The following BANF2 variants were observed in gnomAD, a reference collection of about 807,000 sequenced individuals.
BANF2 encodes the protein barrier-to-autointegration factor-like protein.
Under a neutral mutation model 8.0 loss-of-function variants are expected in BANF2, and 4 were observed. The observed-to-expected ratio is 0.50, with a 90% confidence interval of 0.25 to 1.14. BANF2 has a LOEUF of 1.14. Among genes scored for constraint, BANF2 ranks in the 50% most tolerant of loss-of-function variants. The pLI, the probability that BANF2 is intolerant of heterozygous loss-of-function variation, is 0.16. For missense variants in BANF2, 96 were observed against 107.5 expected, an observed-to-expected ratio of 0.89 and a Z score of 0.47; for synonymous variants, 50 against 40.6, an observed-to-expected ratio of 1.23 and a Z score of -0.88.
upstream of BANF2, among the ~76,000 whole-genome samples, chr20:17,698,227 TA>T (rs35882253): frequency 0.33 from 48,045 of 147,410 alleles, 9,464 homozygotes; most frequent in Admixed American, 0.48. Flanking sequence ...AAAATAATAA[TA>T]AAAAAAAAAG....
chr20:17,716,079 G>A (rs1011468816), intron 1 of BANF2, among the ~76,000 whole-genome samples: 1 of 152,212 alleles, frequency 6.6e-6, no homozygotes, highest in Non-Finnish European at 1.5e-5. Context: ...AAGAAGGTGA[G>A]GGGTGGTCAC....
At chr20:17,724,526 A>G (rs959630502) in intron 2 of BANF2, among the ~76,000 whole-genome samples, 2 of 152,220 alleles carry the variant, frequency 1.3e-5, no homozygotes, top group Non-Finnish European at 2.9e-5. Flanking sequence ...TCCCACCTGC[A>G]GGCTTTGGAT....
chr20:17,699,000 T>C (rs534948869), upstream of BANF2, among the ~76,000 whole-genome samples: 60 of 152,110 alleles, frequency 3.9e-4, 1 homozygote, highest in African/African-American at 1.4e-3. Flanking sequence ...CTCAACGTCA[T>C]GTGGGAACGT....
At chr20:17,702,124 C>A (rs1218518076) in intron 1 of BANF2, among the ~76,000 whole-genome samples, 2 of 152,218 alleles carry the variant, frequency 1.3e-5, no homozygotes, top group African/African-American at 2.4e-5. Context: ...CGAAGCAGGT[C>A]TTTCTAACCC....
intron 2 of BANF2, among the ~76,000 whole-genome samples, chr20:17,723,721 G>A (rs1174116254): frequency 2.0e-5 from 3 of 152,198 alleles, no homozygotes; most frequent in South Asian, 2.1e-4. Context: ...GCGGCCGGGC[G>A]CAGCAGCTCA....
chr20:17,721,394 CTTTCTT>C (rs2037726730), intron 1 of BANF2, among the ~76,000 whole-genome samples: 1 of 129,352 alleles, frequency 7.7e-6, no homozygotes. Context: ...TTCTTTCTTT[CTTTCTT>C]TTTTTTTTTA....
chr20:17,720,763 C>T (rs545567666), intron 1 of BANF2, among the ~76,000 whole-genome samples: 1 of 152,132 alleles, frequency 6.6e-6, no homozygotes, highest in Non-Finnish European at 1.5e-5. Context: ...ATTACTGAAC[C>T]GTGCACTTAA....
Position 17,708,605 on chromosome 20 carries a change from T to C in BANF2, c.-167+8550T>C, listed in dbSNP as rs190770648. ...TGTGACCTCCTCAGTGGATGTCCAA[T>C]GTTGGTCCTCTTTTATCAGCGCCCT... On this transcript the variant is annotated intron_variant, in intron 1 of 3. Transcript: ENST00000246090. 6.5e-4 allele frequency among the ~76,000 whole-genome samples: 99 copies of C among 152,326 alleles called. 1 individual carries two copies. Among genetic ancestry groups the C allele is most frequent in the African/African-American group, 2.3e-3 (97 of 41,574 alleles).
upstream of BANF2, among the ~76,000 whole-genome samples, chr20:17,697,341 A>G (rs1242466728): frequency 6.6e-6 from 1 of 152,174 alleles, no homozygotes; most frequent in African/African-American, 2.4e-5. Flanking sequence ...TGTGCAGAGG[A>G]AAAGGCCTTT....
chr20:17,726,407 G>A (rs920588077), intron 3 of BANF2, among the ~76,000 whole-genome samples: 4 of 152,020 alleles, frequency 2.6e-5, no homozygotes, highest in East Asian at 1.9e-4. Context: ...GGATGGTCTC[G>A]AACTCCTGGA....
At chr20:17,722,613 C>A in intron 1 of BANF2, 103 bp from the exon 2 acceptor site, 1 of 505,806 alleles carries the variant, frequency 2.0e-6, no homozygotes, top group Non-Finnish European at 2.6e-6. Flanking sequence ...TATTTAGCTG[C>A]TAAAGAGAGG....
At chr20:17,728,258 A>G (rs1459168279) in intron 3 of BANF2, among the ~76,000 whole-genome samples, 1 of 152,112 alleles carries the variant, frequency 6.6e-6, no homozygotes, top group African/African-American at 2.4e-5. Flanking sequence ...GCCTCGCCCC[A>G]TGGGCTCTGC....
At chr20:17,700,105 A>T in intron 1 of BANF2, 50 bp downstream of exon 1, 4 of 740,852 alleles carry the variant, frequency 5.4e-6, no homozygotes, top group Non-Finnish European at 6.6e-6. Context: ...TACAGCCAAC[A>T]GCTGGCTGTC....
chr20:17,706,830 G>T (rs1377424539), intron 1 of BANF2, among the ~76,000 whole-genome samples: 1 of 152,174 alleles, frequency 6.6e-6, no homozygotes, highest in Non-Finnish European at 1.5e-5. Context: ...AAAGAAGGAG[G>T]GATGGCATAT....
intron 3 of BANF2, among the ~76,000 whole-genome samples, chr20:17,727,823 C>T (rs1326676556): frequency 1.3e-5 from 2 of 152,212 alleles, no homozygotes; most frequent in Non-Finnish European, 2.9e-5. Context: ...CGGCTCACTG[C>T]AACCTCCTCA....
At chr20:17,732,934 C>A (rs1218877884) in intron 3 of BANF2, among the ~76,000 whole-genome samples, 6 of 152,184 alleles carry the variant, frequency 3.9e-5, no homozygotes, top group African/African-American at 1.4e-4. Context: ...ACTCCAGCTT[C>A]CCTGGGGAGC....
At chr20:17,722,471 C>T (rs905843241) in intron 1 of BANF2, among the ~76,000 whole-genome samples, 6 of 152,206 alleles carry the variant, frequency 3.9e-5, no homozygotes, top group Non-Finnish European at 8.8e-5. Context: ...CCCAATTCAT[C>T]AATCCCAATT....
At chr20:17,712,420 TC>T in intron 1 of BANF2, 1 of 545,804 alleles carries the variant, frequency 1.8e-6, no homozygotes, top group South Asian at 8.0e-5. Flanking sequence ...TGTTGTCATC[TC>T]CTGCCAAGTC....
chr20:17,708,485 A>G (rs1324710288), intron 1 of BANF2, among the ~76,000 whole-genome samples: 1 of 152,146 alleles, frequency 6.6e-6, no homozygotes, highest in East Asian at 1.9e-4. Flanking sequence ...AAAGACTCAG[A>G]AGAGCCAGTC....
Sources: allele counts gnomAD v4.1 joint callset (sites outside exome capture counted in the v4.1 genomes callset), GRCh38; gene constraint gnomAD v4.1.1; transcripts MANE v1.5; gene names NCBI Gene and HGNC (gene_info 2026-07-23, HGNC 2026-07-21).